Variants in CFAP54 observed in about 807,000 individuals in gnomAD.
CFAP54 encodes cilia- and flagella-associated protein 54.
Under a neutral mutation model 370.4 loss-of-function variants are expected in CFAP54, and 290 were observed. The ratio of observed to expected loss-of-function variants is 0.78; its 90% CI spans 0.71 to 0.86. CFAP54 has a LOEUF of 0.86. CFAP54 is among the 40% of genes least tolerant of loss of function. The probability of loss-of-function intolerance (pLI) is 0.00; values close to 1 mark genes in which losing one functional copy is unlikely to be tolerated. For missense variants in CFAP54, 3,399 were observed against 3,528.7 expected (o/e 0.96, Z 0.93); for synonymous variants, 1,206 against 1,236.5 (o/e 0.98, Z 0.52).
rs532743637 is a variant in CFAP54, at chr12:96,622,350, C to G, written c.3771+629C>G. ...GCCCGCCCTCCCTCCCTCTCTCTCT[C>G]TCTCTCTCTCTTTCTTTCTTGACAC... is the stretch of plus-strand genomic sequence containing the variant. On this transcript the variant is annotated intron_variant, in intron 27 of 67. Transcript: ENST00000524981. Among the ~76,000 whole-genome samples the G allele has an allele frequency of 2.8e-3, 338 of 122,500 alleles. 3 individuals are homozygous for G. Among genetic ancestry groups the G allele is most frequent in the African/African-American group, 9.9e-3 (325 of 32,902 alleles). The allele number at this position is 122,500 out of a possible 152,430, so 80.4% of individuals were successfully genotyped here.
In CFAP54 at chr12:96,592,529, C is replaced by G. The variant is rs1956136476; in HGVS notation, c.3252C>G (p.Leu1084=). Residue 1084 remains leucine, a synonymous_variant, in exon 24 of 68, where the codon CTC becomes CTG. Transcript: ENST00000524981. ...TTTTGGCAGAGACTTCTTCAATCCT[C>G]TTGTACCTTTTTCTTAGAAATATTT... The part of the protein sequence containing the change: ...SDILAETSSI[L]LYLFLRNIFV... 1 of 972,978 alleles carries G rather than the reference C, an allele frequency of 1.0e-6. No individual in the cohort carries two copies. Among genetic ancestry groups the G allele is most frequent in the Admixed American group, 2.7e-5 (1 of 36,748 alleles). 60.3% of individuals were successfully genotyped at this position (972,978 alleles called of 1,614,324 possible). A position where few individuals can be genotyped will look rare whatever the true frequency, so the allele number is the denominator to read the frequency against.
intron 64 of CFAP54, among the ~76,000 whole-genome samples, chr12:96,816,720 T>G (rs1444289663): frequency 6.6e-6 from 1 of 152,230 alleles, no homozygotes; most frequent in East Asian, 1.9e-4. Flanking sequence ...CACACACATA[T>G]GTAAACACAT....
At position 96,777,181 on chromosome 12, in the gene CFAP54, A is replaced by G. The variant is rs540578727; in HGVS notation, c.8282-7536A>G. On this transcript the variant is annotated intron_variant, in intron 60 of 67. Coordinates refer to ENST00000524981, the MANE Select transcript of CFAP54 (RefSeq NM_001306084.2). ...AAAGTGCTCATTCAGCTTGCAACTC[A>G]AAGAATCCCTGAAGTGCTTTTCCTG... is the stretch of plus-strand genomic sequence containing the variant. Among the ~76,000 whole-genome samples the G allele has an allele frequency of 8.5e-5, 13 of 152,280 alleles. No individual in the cohort carries two copies. In the East Asian group the frequency reaches 2.3e-3, roughly 27 times the overall value.
chr12:96,517,225 T>C (rs1955246122), intron 5 of CFAP54, among the ~76,000 whole-genome samples: 1 of 152,148 alleles, frequency 6.6e-6, no homozygotes, highest in Admixed American at 6.6e-5. Flanking sequence ...CTCTGTGTAG[T>C]GGAAAGAACA....
At chr12:96,765,306 C>T (rs747237994) in intron 60 of CFAP54, 88 bp downstream of exon 60, 1 of 1,239,326 alleles carries the variant, frequency 8.1e-7, no homozygotes, top group South Asian at 2.5e-5. Flanking sequence ...AATTTGTTGG[C>T]TTTTAGCTTA....
intron 39 of CFAP54, among the ~76,000 whole-genome samples, chr12:96,677,643 G>A (rs756399441): frequency 2.0e-5 from 3 of 152,134 alleles, no homozygotes; most frequent in African/African-American, 7.2e-5. Context: ...ACTGAAACTG[G>A]TAAGGAAGAA....
At chr12:96,493,691 G>A (rs546023526) in intron 1 of CFAP54, among the ~76,000 whole-genome samples, 4 of 152,174 alleles carry the variant, frequency 2.6e-5, no homozygotes, top group Non-Finnish European at 4.4e-5. Flanking sequence ...CCAGCTACTC[G>A]GCAGGCCGAG....
At chr12:96,510,754 G>C (rs565970075) in intron 4 of CFAP54, among the ~76,000 whole-genome samples, 26 of 152,066 alleles carry the variant, frequency 1.7e-4, no homozygotes, top group African/African-American at 6.3e-4. Context: ...TTGAGGTCAG[G>C]AGTTCGAGAC....
intron 39 of CFAP54, among the ~76,000 whole-genome samples, chr12:96,665,224 T>C (rs1592697253): frequency 6.6e-6 from 1 of 152,104 alleles, no homozygotes; most frequent in East Asian, 1.9e-4. Context: ...TAGACCTTTG[T>C]TGGATGCATA....
At position 96,790,003 on chromosome 12, in the gene CFAP54, T is replaced by G. The variant is rs77498481; in HGVS notation, c.8680-2326T>G. ...CAAACTCGTTCCATAATTTGATACT[T>G]AAACCTACTTTCCCCCACAAAGAAG... On this transcript the variant is annotated intron_variant, in intron 62 of 67. Coordinates refer to ENST00000524981, the MANE Select transcript of CFAP54 (RefSeq NM_001306084.2). Among the ~76,000 whole-genome samples, 869 of 136,748 alleles carry G rather than the reference T, an allele frequency of 6.4e-3. 9 individuals carry two copies. The highest frequency in any genetic ancestry group is 0.021 in the African/African-American group (820 of 38,814). 89.7% of individuals were successfully genotyped at this position (136,748 alleles called of 152,430 possible).
At chr12:96,628,029 C>G (rs1177730127) in intron 30 of CFAP54, among the ~76,000 whole-genome samples, 3 of 152,168 alleles carry the variant, frequency 2.0e-5, no homozygotes, top group Admixed American at 6.5e-5. Flanking sequence ...CTACAGCGTT[C>G]AGTATAGTAA....
intron 50 of CFAP54, among the ~76,000 whole-genome samples, chr12:96,738,608 CTTTTTTTTTTTT>C (rs71068829): frequency 2.3e-5 from 3 of 129,238 alleles, no homozygotes; most frequent in African/African-American, 6.1e-5. Context: ...TCTAAATCTC[CTTTTTTTTTTTT>C]TTTTTTTTTG....
At chr12:96,847,381 C>T (rs895896720) in intron 66 of CFAP54, among the ~76,000 whole-genome samples, 6 of 152,056 alleles carry the variant, frequency 3.9e-5, no homozygotes, top group African/African-American at 1.4e-4. Context: ...CGGAAGCTCC[C>T]CAGAACCCAT....
intron 22 of CFAP54, 87 bp downstream of exon 22, chr12:96,581,192 A>G (rs1257128784): frequency 1.4e-5 from 13 of 956,534 alleles, no homozygotes; most frequent in Non-Finnish European, 1.8e-5. Context: ...AATAAAAATC[A>G]CAGCAGATAT....
intron 13 of CFAP54, among the ~76,000 whole-genome samples, chr12:96,539,964 A>G (rs573529803): frequency 1.3e-5 from 2 of 152,368 alleles, no homozygotes; most frequent in East Asian, 3.9e-4. Context: ...ATTAGTATGC[A>G]TAGGTGTGAT....
rs1181902256 is a variant in CFAP54, at chr12:96,743,831, A to C, written c.7478A>C (p.Glu2493Ala). Residue 2493 changes from glutamate to alanine, a missense_variant, in exon 54 of 68, where the codon GAG (glutamate) becomes GCG (alanine). Physicochemically the swap from Glu to Ala is moderately radical, Grantham distance 107. This residue lies in a region of CFAP54 where 2,796 missense variants were observed against 2,869.7 expected (regional missense o/e 0.97). Coordinates refer to ENST00000524981, the MANE Select transcript of CFAP54 (RefSeq NM_001306084.2). Reference sequence around the variant, plus strand: ...TTGCTGGATGACTTAACCAAAGCTGAGAAATTCAAGGAATCTCCCTCTTCA... The same window carrying C: ...TTGCTGGATGACTTAACCAAAGCTGCGAAATTCAAGGAATCTCCCTCTTCA... ...LVLLDDLTKA[E>A]KFKESPSSKT... The C allele has an allele frequency of 2.5e-6, 4 of 1,613,920 alleles. No individual in the cohort carries two copies. The African/African-American group carries it at 5.3e-5, about 22-fold the overall frequency.
At chr12:96,547,876 C>G (rs2136394445) in intron 14 of CFAP54, 26 bp from the exon 15 acceptor site, 1 of 1,275,516 alleles carries the variant, frequency 7.8e-7, no homozygotes, top group South Asian at 1.5e-5. Flanking sequence ...ATCCTTCATT[C>G]CCTTCCTCCT....
At chr12:96,874,951 A>C (rs767055300) in intron 67 of CFAP54, among the ~76,000 whole-genome samples, 167 bp from the exon 68 acceptor site, 1 of 151,716 alleles carries the variant, frequency 6.6e-6, no homozygotes, top group South Asian at 2.1e-4. Flanking sequence ...TGGTTTGATG[A>C]TGTGGCATTC....
intron 15 of CFAP54, among the ~76,000 whole-genome samples, chr12:96,548,974 C>T (rs889564936): frequency 7.2e-5 from 11 of 152,116 alleles, no homozygotes; most frequent in African/African-American, 2.7e-4. Flanking sequence ...CCTGCCTCAG[C>T]CTCCTGAGTA....
Sources: gnomAD v4.1 joint callset for allele counts (sites outside exome capture counted in the v4.1 genomes callset) on GRCh38, gnomAD v4.1.1 for gene constraint, gnomAD v4.1.1 regional missense constraint, MANE v1.5 for transcripts, NCBI Gene and HGNC (gene_info 2026-07-23, HGNC 2026-07-21) for gene names.